ZNF410: variants seen among roughly 807,000 people sequenced by gnomAD.
ZNF410 encodes the protein another partner for ARF 1.
Under a neutral mutation model 54.8 loss-of-function variants are expected in ZNF410, and 18 were observed. That is an observed-to-expected ratio of 0.33 (90% CI 0.23 to 0.49). The LOEUF (loss-of-function observed/expected upper bound fraction) is 0.49, where lower values mean the gene tolerates loss of function less well. Ranked by LOEUF, ZNF410 falls within the 20% of genes least tolerant of loss-of-function variation. The pLI is 0.99. For synonymous variants in ZNF410, 191 were observed against 207.3 expected (o/e 0.92, Z 0.68); for missense variants, 405 against 569.6 (o/e 0.71, Z 2.94).
intron 7 of ZNF410, among the ~76,000 whole-genome samples, chr14:73,905,994 TACACAC>T (rs1555353445): frequency 7.3e-6 from 1 of 136,544 alleles, no homozygotes; most frequent in South Asian, 2.3e-4. Context: ...TATATATATA[TACACAC>T]ATACTTTTTT....
At chr14:73,931,454 C>T in intron 11 of ZNF410, 49 bp from the exon 12 acceptor site, 1 of 1,512,730 alleles carries the variant, frequency 6.6e-7, no homozygotes, top group Non-Finnish European at 9.2e-7. Flanking sequence ...ATTATTTTTT[C>T]TATAATTCAA....
intron 5 of ZNF410, chr14:73,898,615 A>G (rs2055358940): frequency 3.1e-6 from 1 of 323,596 alleles, no homozygotes; most frequent in Non-Finnish European, 5.4e-6. Flanking sequence ...TTATACCATC[A>G]TGAAATCAAA....
At chr14:73,888,376 T>C (rs895291953) in intron 1 of ZNF410, 3 of 152,112 alleles carry the variant, frequency 2.0e-5, no homozygotes, top group Non-Finnish European at 2.9e-5. Flanking sequence ...TAGGTATCAT[T>C]TGTAGTGTCA....
At chr14:73,897,228 A>G (rs1872574774) in intron 4 of ZNF410, among the ~76,000 whole-genome samples, 1 of 152,188 alleles carries the variant, frequency 6.6e-6, no homozygotes, top group South Asian at 2.1e-4. Flanking sequence ...GGCCAGGGTT[A>G]AAGAGATGGG....
At position 73,914,330 on chromosome 14, in the gene ZNF410, C is replaced by T. The variant is rs1369749965; in HGVS notation, c.1003+4900C>T. 4 of 152,496 alleles carry T rather than the reference C, an allele frequency of 2.6e-5. No homozygotes were observed. The East Asian group carries it at 7.7e-4, about 29-fold the overall frequency. 9.4% of individuals were successfully genotyped at this position (152,496 alleles called of 1,614,324 possible). On this transcript the variant is annotated intron_variant, in intron 8 of 11. Coordinates refer to ENST00000555044, the MANE Select transcript of ZNF410 (RefSeq NM_021188.3). The stretch of plus-strand genomic sequence containing the variant: ...CTGGGATTACAGGCATACACCACCA[C>T]ACCCAGCTAATTTTTGTATTTTTGG...
chr14:73,926,456 T>C (rs1042249410), intron 11 of ZNF410, among the ~76,000 whole-genome samples: 1 of 152,080 alleles, frequency 6.6e-6, no homozygotes, highest in Non-Finnish European at 1.5e-5. Flanking sequence ...GTTTTGAGAC[T>C]GAGTCTCACT....
rs145867755 is a variant in ZNF410 at position 73,926,494 on chromosome 14, C to T, written c.1398+2972C>T. On this transcript the variant is annotated intron_variant, in intron 11 of 11. Coordinates refer to ENST00000555044, the MANE Select transcript of ZNF410 (RefSeq NM_021188.3). ...GTGGCCCAGGTCAAGAGTGCAGTGG[C>T]GTGATCTCGGCTCACTGCAACCTCT... 3.7e-3 allele frequency among the ~76,000 whole-genome samples: 561 copies of T among 152,056 alleles called. 1 individual carries two copies. Among genetic ancestry groups the T allele is most frequent in the African/African-American group, 0.013 (538 of 41,464 alleles).
At chr14:73,890,388 A>G (rs1182391820) in intron 1 of ZNF410, among the ~76,000 whole-genome samples, 2 of 150,590 alleles carry the variant, frequency 1.3e-5, no homozygotes, top group East Asian at 2.0e-4. Flanking sequence ...GGGTTTCGCC[A>G]TATTGGCCAG....
chr14:73,890,147 G>A (rs2055205449), intron 1 of ZNF410, among the ~76,000 whole-genome samples: 1 of 150,962 alleles, frequency 6.6e-6, no homozygotes, highest in Admixed American at 6.6e-5. Context: ...AGCTTAGAAA[G>A]AGAGAGGGAG....
intron 11 of ZNF410, among the ~76,000 whole-genome samples, chr14:73,925,364 A>G (rs2055813885): frequency 6.6e-6 from 1 of 151,854 alleles, no homozygotes; most frequent in Non-Finnish European, 1.5e-5. Flanking sequence ...AGAGACTAGT[A>G]TGATAAACCC....
chr14:73,902,420 TAAAG>T (rs911079453), intron 5 of ZNF410, among the ~76,000 whole-genome samples: 4 of 152,084 alleles, frequency 2.6e-5, no homozygotes, highest in African/African-American at 9.7e-5. Context: ...GGGGCAATAT[TAAAG>T]AAAAACTTAA....
rs201376759 is a variant in ZNF410 at position 73,893,870 on chromosome 14, T to A, written c.107T>A (p.Ile36Asn). 7.7e-5 allele frequency: 124 copies of A among 1,614,146 alleles called. 1 individual carries two copies. The East Asian group carries it at 2.6e-3, about 34-fold the overall frequency. ...QGLVESEAKD[I>N]TCLSLLPVTE... ...CTTGTAGAATCAGAAGCTAAAGATATTACTTGCTTGTCCCTCCTTCCCGTG... is the reference window on the plus strand; with the variant it reads ...CTTGTAGAATCAGAAGCTAAAGATAATACTTGCTTGTCCCTCCTTCCCGTG... The change falls in exon 3 of 12, where the codon ATT becomes AAT. Residue 36 changes from isoleucine (I) to asparagine (N), a missense_variant. Coordinates refer to ENST00000555044, the MANE Select transcript of ZNF410 (RefSeq NM_021188.3).
chr14:73,930,964 C>T (rs1254861460), intron 11 of ZNF410, among the ~76,000 whole-genome samples: 1 of 152,114 alleles, frequency 6.6e-6, no homozygotes, highest in East Asian at 1.9e-4. Flanking sequence ...TTGAATAGAG[C>T]CTTGTGTATA....
Position 73,922,074 on chromosome 14 carries a change from C to G in ZNF410, c.1138C>G (p.Leu380Val). Reference protein sequence around the residue: ...SQEQEQTAEPLMGSSLLEEAS... With the variant: ...SQEQEQTAEPVMGSSLLEEAS... The stretch of plus-strand genomic sequence containing the variant: ...ACCTATTCTCTGTGCAGCTGAGCCA[C>G]TAATGGGCAGTAGTTTGCTTGAAGA... Residue 380 changes from leucine to valine, a missense_variant, in exon 10 of 12, where the codon CTA (leucine) becomes GTA (valine). Physicochemically the swap from Leu to Val is conservative, Grantham distance 32. Around this residue, in one of 3 missense-constraint regions of ZNF410, gnomAD observed 127 missense variants for 141.3 expected, o/e 0.90. Transcript: ENST00000555044. 2.5e-6 allele frequency: 4 copies of G among 1,614,076 alleles called. No homozygotes were observed. The highest frequency in any genetic ancestry group is 2.5e-6 in the Non-Finnish European group (3 of 1,179,968).
intron 11 of ZNF410, among the ~76,000 whole-genome samples, chr14:73,925,150 T>C (rs55692390): frequency 0.49 from 74,252 of 151,804 alleles, 18,352 homozygotes; most frequent in South Asian, 0.61. Flanking sequence ...TTTTTATTGT[T>C]GTGACCCATT....
intron 11 of ZNF410, chr14:73,927,850 A>ATTTTTTTTTTTTT (rs769693607): frequency 7.4e-6 from 1 of 135,246 alleles, no homozygotes. Context: ...TTTTTTTTTA[A>ATTTTTTTTTTTTT]TTTTTTAGAC....
intron 7 of ZNF410, among the ~76,000 whole-genome samples, chr14:73,906,076 G>C (rs1374153101): frequency 4.0e-5 from 6 of 149,966 alleles, no homozygotes; most frequent in Non-Finnish European, 8.9e-5. Context: ...TCGGCTAACT[G>C]CAAGCTCCAC....
Position 73,922,106 on chromosome 14 carries a change from A to G in ZNF410, c.1170A>G (p.Ser390=). Residue 390 remains serine, a synonymous_variant, in exon 10 of 12, where the codon TCA becomes TCG. Coordinates refer to ENST00000555044, the MANE Select transcript of ZNF410 (RefSeq NM_021188.3). The part of the protein sequence containing the change: ...LMGSSLLEEA[S]VPSKNLVSMN... ...GCAGTAGTTTGCTTGAAGAGGCTTCAGTACCCAGTAAAAACCTGGTGTCTA... is the reference window on the plus strand; with the variant it reads ...GCAGTAGTTTGCTTGAAGAGGCTTCGGTACCCAGTAAAAACCTGGTGTCTA... The G allele has an allele frequency of 6.2e-7, 1 of 1,614,154 alleles. No individual in the cohort carries two copies. The highest frequency in any genetic ancestry group is 8.5e-7 in the Non-Finnish European group (1 of 1,180,020).
chr14:73,891,935 A>AT (rs920306499), intron 1 of ZNF410, 92 bp from the exon 2 acceptor site: 45 of 611,654 alleles, frequency 7.4e-5, no homozygotes, highest in South Asian at 1.3e-4. Context: ...GCTTGTTGTG[A>AT]TTTTTTTTGT....
Sources: gnomAD v4.1 joint callset for allele counts (sites outside exome capture counted in the v4.1 genomes callset) on GRCh38, gnomAD v4.1.1 for gene constraint, gnomAD v4.1.1 regional missense constraint, MANE v1.5 for transcripts, NCBI Gene and HGNC (gene_info 2026-07-23, HGNC 2026-07-21) for gene names.